The following LRCH3 variants were observed in gnomAD, a reference collection of about 807,000 sequenced individuals.
LRCH3 encodes the protein leucine rich repeats and calponin homology domain containing 3.
In LRCH3, 68 loss-of-function variants were observed where a neutral mutation model predicts 104.5. The observed-to-expected ratio is 0.65, with a 90% confidence interval of 0.54 to 0.80. LRCH3 has a LOEUF of 0.80. LRCH3 is among the 30% of genes least tolerant of loss of function. The pLI is 0.00. For missense variants in LRCH3, 951 were observed against 953.9 expected (o/e 1.00, Z 0.04); for synonymous variants, 344 against 361.3 (o/e 0.95, Z 0.54).
chr3:197,838,170 A>G (rs1437605276), intron 9 of LRCH3, among the ~76,000 whole-genome samples: 1 of 152,174 alleles, frequency 6.6e-6, no homozygotes, highest in Non-Finnish European at 1.5e-5. Context: ...CTGTAGTCTC[A>G]GCCACTCGGG....
chr3:197,811,532 T>C (rs1002009371), intron 1 of LRCH3, among the ~76,000 whole-genome samples: 5 of 152,184 alleles, frequency 3.3e-5, no homozygotes, highest in Admixed American at 3.3e-4. Flanking sequence ...GTAAGGATGA[T>C]GTCACTGCGT....
intron 4 of LRCH3, among the ~76,000 whole-genome samples, chr3:197,824,643 G>A (rs934456100): frequency 4.1e-5 from 6 of 147,312 alleles, no homozygotes; most frequent in African/African-American, 1.5e-4. Flanking sequence ...CTCGGCTCAC[G>A]GTAACCTCTG....
intron 1 of LRCH3, among the ~76,000 whole-genome samples, chr3:197,808,267 A>G (rs1156640208): frequency 1.3e-5 from 2 of 152,226 alleles, no homozygotes; most frequent in African/African-American, 4.8e-5. Context: ...CCAGTGAGAG[A>G]GACCTCAGAA....
intron 17 of LRCH3, among the ~76,000 whole-genome samples, chr3:197,867,397 C>T (rs904103793): frequency 2.0e-5 from 3 of 151,584 alleles, no homozygotes; most frequent in Admixed American, 2.0e-4. Flanking sequence ...GCATGGATGA[C>T]AGTGTGAAAC....
rs568430839 is a variant in LRCH3 at position 197,847,161 on chromosome 3, G to T, written c.1329-248G>T. On this transcript the variant is annotated intron_variant, in intron 10 of 20. Transcript: ENST00000425562. ...GTGATCTCAATTAACTGTATTGTTGGTATTGGCTGACATAGACAGTTGATA... is the reference window on the plus strand; with the variant it reads ...GTGATCTCAATTAACTGTATTGTTGTTATTGGCTGACATAGACAGTTGATA... Among the ~76,000 whole-genome samples the T allele has an allele frequency of 1.6e-4, 24 of 152,280 alleles. No individual in the cohort carries two copies. The South Asian group carries it at 5.0e-3, about 32-fold the overall frequency.
rs113571949 is a variant in LRCH3 at position 197,859,377 on chromosome 3, A to ATGGC, written c.1716+475_1716+478dup. The ATGGC allele has an allele frequency of 5.4e-3, 898 of 166,182 alleles. 9 individuals carry two copies. The highest frequency in any genetic ancestry group is 0.02 in the African/African-American group (844 of 41,644). 10.3% of individuals were successfully genotyped at this position (166,182 alleles called of 1,614,324 possible). ...AGTCCCTTTTGTTTATGCATTGCCT[A>ATGGC]TGGCTGCTTGCACAGTAAACAGCTG... On this transcript the variant is annotated intron_variant, in intron 15 of 20. Transcript: ENST00000425562.
intron 3 of LRCH3, among the ~76,000 whole-genome samples, chr3:197,818,995 A>C (rs942060597): frequency 2.6e-5 from 4 of 151,954 alleles, no homozygotes; most frequent in African/African-American, 9.7e-5. Flanking sequence ...GCGTGGTGGC[A>C]CGCACCTGTT....
chr3:197,820,228 CAGA>C (rs1024239973), intron 3 of LRCH3, 94 bp from the exon 4 acceptor site: 68 of 820,764 alleles, frequency 8.3e-5, no homozygotes, highest in Non-Finnish European at 6.1e-6. Context: ...AGTGAGATAC[CAGA>C]AGGTCTCCCA....
chr3:197,828,853 G>A (rs1402985048), intron 5 of LRCH3, among the ~76,000 whole-genome samples: 2 of 151,532 alleles, frequency 1.3e-5, no homozygotes, highest in African/African-American at 4.9e-5. Context: ...GATTACAAGC[G>A]CCTGCCACCA....
intron 1 of LRCH3, among the ~76,000 whole-genome samples, chr3:197,801,777 C>CTA (rs1560520903): frequency 6.6e-6 from 1 of 152,164 alleles, no homozygotes; most frequent in Non-Finnish European, 1.5e-5. Context: ...CATCCATTTA[C>CTA]TATAGTTCTA....
At chr3:197,862,152 C>T (rs1213317815) in intron 15 of LRCH3, among the ~76,000 whole-genome samples, 4 of 152,098 alleles carry the variant, frequency 2.6e-5, no homozygotes, top group African/African-American at 4.8e-5. Flanking sequence ...CATGCCACCA[C>T]GCCCAGCTAA....
At chr3:197,866,975 A>C (rs923664891) in intron 17 of LRCH3, among the ~76,000 whole-genome samples, 28 of 152,122 alleles carry the variant, frequency 1.8e-4, no homozygotes, top group Admixed American at 8.5e-4. Flanking sequence ...CCCTGTCTCT[A>C]TTAAAAATAC....
At chr3:197,812,855 C>T (rs904655900) in intron 1 of LRCH3, among the ~76,000 whole-genome samples, 12 of 152,194 alleles carry the variant, frequency 7.9e-5, no homozygotes, top group African/African-American at 2.9e-4. Context: ...GGCCACCACA[C>T]CCAACCAGTT....
chr3:197,795,508 G>A (rs12107316), intron 1 of LRCH3, among the ~76,000 whole-genome samples: 3,896 of 152,072 alleles, frequency 0.026, 78 homozygotes, highest in East Asian at 0.054. Context: ...GAGACAATAG[G>A]ATGTTAGCCT....
At chr3:197,880,749 CT>C in intron 20 of LRCH3, 13 of 1,536,160 alleles carry the variant, frequency 8.5e-6, no homozygotes, top group Non-Finnish European at 1.1e-5. Flanking sequence ...TGCCTCATTC[CT>C]GTGCTTGGTA....
intron 1 of LRCH3, among the ~76,000 whole-genome samples, chr3:197,795,686 G>GCT (rs1216766982): frequency 1.5e-5 from 1 of 65,818 alleles, no homozygotes; most frequent in South Asian, 6.3e-4. Flanking sequence ...AAAAGTTGTT[G>GCT]TTTTTTTTTT....
rs760278893 is a variant in LRCH3, at chr3:197,835,794, A to T, written c.1223A>T (p.Tyr408Phe). The change falls in exon 9 of 21, where the codon TAT becomes TTT. Residue 408 changes from tyrosine to phenylalanine, a missense_variant. Coordinates refer to ENST00000425562, the MANE Select transcript of LRCH3 (RefSeq NM_001365715.1). The stretch of plus-strand genomic sequence containing the variant: ...AGCCTTAGTTCACAGTTTATGGCGT[A>T]TATTGAACAGCGGCGAATCTCTCAT... Reference protein sequence around the residue: ...PDSLSSQFMAYIEQRRISHEG... With the variant: ...PDSLSSQFMAFIEQRRISHEG... 3 of 1,614,178 alleles carry T rather than the reference A, an allele frequency of 1.9e-6. No individual in the cohort carries two copies. The highest frequency in any genetic ancestry group is 1.6e-4 in the Middle Eastern group (1 of 6,062).
At chr3:197,816,317 G>A (rs918177305) in intron 2 of LRCH3, among the ~76,000 whole-genome samples, 1 of 151,630 alleles carries the variant, frequency 6.6e-6, no homozygotes, top group Non-Finnish European at 1.5e-5. Context: ...TTTTACTCTC[G>A]TTGCCCAGGC....
intron 15 of LRCH3, among the ~76,000 whole-genome samples, chr3:197,861,509 G>C (rs1740877370): frequency 6.6e-6 from 1 of 152,144 alleles, no homozygotes; most frequent in South Asian, 2.1e-4. Context: ...GTTCTACAGT[G>C]ACTGTCATAT....
Sources: gnomAD v4.1 joint callset for allele counts (sites outside exome capture counted in the v4.1 genomes callset) on GRCh38, gnomAD v4.1.1 for gene constraint, MANE v1.5 for transcripts, NCBI Gene and HGNC (gene_info 2026-07-23, HGNC 2026-07-21) for gene names.